The following NSD1 variants were observed in gnomAD, a reference collection of about 807,000 sequenced individuals.
The protein encoded by NSD1 is nuclear receptor binding SET domain protein 1.
In NSD1, 26 loss-of-function variants were observed where a neutral mutation model predicts 242.7. The ratio of observed to expected loss-of-function variants is 0.11; its 90% CI spans 0.08 to 0.15. The LOEUF is 0.15. Among genes scored for constraint, NSD1 ranks in the 10% least tolerant of loss-of-function variants. The pLI is 1.00. For synonymous variants in NSD1, 1,106 were observed against 1,178.1 expected (o/e 0.94, Z 1.25); for missense variants, 2,495 against 3,272.8 (o/e 0.76, Z 5.80).
chr5:177,214,083 G>C (rs955158253), intron 5 of NSD1, among the ~76,000 whole-genome samples: 1 of 152,026 alleles, frequency 6.6e-6, no homozygotes, highest in African/African-American at 2.4e-5. Context: ...TGTAATTCCA[G>C]CACTCTGGGA....
chr5:177,197,208 TG>T (rs1298334599), intron 3 of NSD1, among the ~76,000 whole-genome samples: 1 of 150,978 alleles, frequency 6.6e-6, no homozygotes, highest in African/African-American at 2.4e-5. Flanking sequence ...AGGTGGAAGT[TG>T]CAATGAGCCG....
intron 2 of NSD1, among the ~76,000 whole-genome samples, chr5:177,145,430 C>T (rs757651394): frequency 1.9e-4 from 29 of 152,194 alleles, no homozygotes; most frequent in Non-Finnish European, 3.1e-4. Flanking sequence ...AGGCCCATGC[C>T]ACCACGCCTG....
At chr5:177,228,253 TC>T (rs1004288637) in intron 5 of NSD1, among the ~76,000 whole-genome samples, 1 of 151,516 alleles carries the variant, frequency 6.6e-6, no homozygotes, top group Admixed American at 6.6e-5. Context: ...GGCCTTTTTT[TC>T]TTTTTCTTTT....
intron 5 of NSD1, chr5:177,221,140 A>G (rs1012838175): frequency 3.9e-5 from 15 of 389,004 alleles, no homozygotes; most frequent in South Asian, 1.9e-4. Context: ...CCCACAGTGC[A>G]GGGATTACAG....
chr5:177,240,645 G>A (rs1007108454), intron 8 of NSD1, among the ~76,000 whole-genome samples: 12 of 152,018 alleles, frequency 7.9e-5, no homozygotes, highest in African/African-American at 1.4e-4. Context: ...CCCAGGAGGC[G>A]GAGCTTGCAG....
At chr5:177,136,540 G>C (rs1304942931) in intron 2 of NSD1, among the ~76,000 whole-genome samples, 2 of 151,610 alleles carry the variant, frequency 1.3e-5, no homozygotes, top group Non-Finnish European at 2.9e-5. Context: ...AATTAGGCTA[G>C]TTTTTCTGAA....
chr5:177,248,328 G>T lies in NSD1; in HGVS notation c.4641+4G>T. 1 of 1,613,226 alleles carries T rather than the reference G, an allele frequency of 6.2e-7. No homozygotes were observed. Among genetic ancestry groups the T allele is most frequent in the East Asian group, 2.2e-5 (1 of 44,868 alleles). ...ACTCAAGGAGAATGTCTGTCAGGTAGAGAAATGTTTGCCCACTTGTGTTTT... is the reference window on the plus strand; with the variant it reads ...ACTCAAGGAGAATGTCTGTCAGGTATAGAAATGTTTGCCCACTTGTGTTTT... On this transcript the variant is annotated splice_donor_region_variant and intron_variant, in intron 11 of 22. Transcript: ENST00000439151.
chr5:177,166,985 A>C (rs1177060526), intron 2 of NSD1, among the ~76,000 whole-genome samples: 2 of 151,708 alleles, frequency 1.3e-5, no homozygotes, highest in Non-Finnish European at 2.9e-5. Context: ...ACCTCAAGTG[A>C]TCTGCCCACC....
chr5:177,243,309 C>T (rs752370588), intron 8 of NSD1, among the ~76,000 whole-genome samples: 8 of 151,940 alleles, frequency 5.3e-5, no homozygotes, highest in Non-Finnish European at 7.4e-5. Context: ...TTCAGCCTCC[C>T]GAGTAGCTGG....
rs1763264897 is a variant in NSD1, at chr5:177,210,651, T to G, written c.2252T>G (p.Leu751Arg). The G allele has an allele frequency of 1.2e-6, 2 of 1,614,020 alleles. No homozygotes were observed. Among genetic ancestry groups the G allele is most frequent in the African/African-American group, 2.7e-5 (2 of 74,924 alleles). Residue 751 changes from leucine to arginine, a missense_variant, in exon 5 of 23, where the codon CTC (leucine) becomes CGC (arginine). Around this residue, in one of 19 missense-constraint regions of NSD1, gnomAD observed 515 missense variants for 467.0 expected, o/e 1.10. Transcript: ENST00000439151. ...CAGTCAGATTTTACAAATGATGCTC[T>G]CTCTCCAAAATTCAACCTGTCATCA... ...KPQSDFTNDA[L>R]SPKFNLSSSI...
intron 5 of NSD1, 55 bp from the exon 6 acceptor site, chr5:177,235,766 A>T: frequency 6.2e-7 from 1 of 1,612,474 alleles, no homozygotes; most frequent in African/African-American, 1.3e-5. Context: ...TCATAAAAAC[A>T]GTGGGTTTTC....
At chr5:177,257,973 C>CTTTT (rs35034666) in intron 13 of NSD1, among the ~76,000 whole-genome samples, 7,042 of 52,612 alleles carry the variant, frequency 0.13, 828 homozygotes, top group Non-Finnish European at 0.18. Context: ...CCCCCTGGGC[C>CTTTT]TTTTTTTTTT....
intron 2 of NSD1, among the ~76,000 whole-genome samples, chr5:177,189,433 T>C (rs1208612549): frequency 6.6e-6 from 1 of 152,238 alleles, no homozygotes; most frequent in Non-Finnish European, 1.5e-5. Context: ...CTTTTTGTAG[T>C]AGTTCTCTGA....
At chr5:177,217,741 C>T (rs1763897965) in intron 5 of NSD1, among the ~76,000 whole-genome samples, 1 of 145,520 alleles carries the variant, frequency 6.9e-6, no homozygotes, top group African/African-American at 2.6e-5. Context: ...GATCTCGGCT[C>T]ACTGCAACCT....
intron 12 of NSD1, among the ~76,000 whole-genome samples, chr5:177,253,362 A>T (rs1756162452): frequency 6.6e-6 from 1 of 152,214 alleles, no homozygotes; most frequent in African/African-American, 2.4e-5. Flanking sequence ...TGAGTTGATA[A>T]ATTTTGGTAT....
At chr5:177,221,474 C>T (rs1209331480) in intron 5 of NSD1, among the ~76,000 whole-genome samples, 2 of 151,030 alleles carry the variant, frequency 1.3e-5, no homozygotes, top group East Asian at 1.9e-4. Context: ...TCTTTTTTTC[C>T]CCCCAATTTT....
intron 5 of NSD1, among the ~76,000 whole-genome samples, chr5:177,227,762 T>A (rs1282305560): frequency 2.6e-5 from 4 of 152,000 alleles, no homozygotes; most frequent in Non-Finnish European, 5.9e-5. Flanking sequence ...TTTAAATTTT[T>A]AAAATAACCT....
rs1386090177 is a variant in NSD1, at chr5:177,291,992, CAAG to C, written c.6304_6306del (p.Lys2102del). 3 of 1,613,924 alleles carry C rather than the reference CAAG, an allele frequency of 1.9e-6. No individual in the cohort carries two copies. Among genetic ancestry groups the C allele is most frequent in the Non-Finnish European group, 2.5e-6 (3 of 1,179,924 alleles). On this transcript the variant is annotated inframe_deletion, in exon 22 of 23. Coordinates refer to ENST00000439151, the MANE Select transcript of NSD1 (RefSeq NM_022455.5). ...CCACGGAAGAAAAGTCAAAGAAATT[CAAG>C]AAGAAGCAACAGGGAAAGCGCAGGA...
At position 177,134,871 on chromosome 5, in the gene NSD1, T is replaced by C. The variant is rs905434184; in HGVS notation, c.-17-216T>C. The stretch of plus-strand genomic sequence containing the variant: ...CAGAGGAGGAAAAAGAGACGGGCTG[T>C]TTCTATGTAGCAGGATCGGCCCAGC... On this transcript the variant is annotated intron_variant, in intron 1 of 22. Transcript: ENST00000439151. This position sits in a 1 kb window ranked among gnomAD's most constrained non-coding sequence, Gnocchi z 4.2. Among the ~76,000 whole-genome samples, 2 of 152,140 alleles carry C rather than the reference T, an allele frequency of 1.3e-5. No homozygotes were observed. The highest frequency in any genetic ancestry group is 2.9e-5 in the Non-Finnish European group (2 of 68,022).
Sources: allele counts gnomAD v4.1 joint callset (sites outside exome capture counted in the v4.1 genomes callset), GRCh38; gene constraint gnomAD v4.1.1; regional missense constraint gnomAD v4.1.1; non-coding constraint Gnocchi (gnomAD v3.1); transcripts MANE v1.5; gene names NCBI Gene and HGNC (gene_info 2026-07-23, HGNC 2026-07-21).